Variants in SRI observed in about 807,000 individuals in gnomAD.
The protein encoded by SRI is sorcin, also known as 22 kDa protein.
Under a neutral mutation model 33.3 loss-of-function variants are expected in SRI, and 30 were observed. The observed-to-expected ratio is 0.90, with a 90% CI of 0.67 to 1.22. The LOEUF (loss-of-function observed/expected upper bound fraction) is 1.22. Ranked by LOEUF, SRI falls within the 50% of genes most tolerant of loss-of-function variation. The probability of loss-of-function intolerance (pLI) is 0.00; values close to 1 mark genes in which losing one functional copy is unlikely to be tolerated. For synonymous variants in SRI, 75 were observed against 89.9 expected (o/e 0.83, Z 0.94); for missense variants, 243 against 250.8 (o/e 0.97, Z 0.21).
At chr7:88,213,066 C>T (rs1281465263) in intron 3 of SRI, among the ~76,000 whole-genome samples, 2 of 152,130 alleles carry the variant, frequency 1.3e-5, no homozygotes, top group Non-Finnish European at 2.9e-5. Context: ...CTCCTCAATT[C>T]CCTCTCCACC....
chr7:88,214,271 CG>C (rs1200656732), intron 3 of SRI, among the ~76,000 whole-genome samples: 1 of 152,234 alleles, frequency 6.6e-6, no homozygotes, highest in East Asian at 1.9e-4. Flanking sequence ...ACAGGCAAAG[CG>C]TAAGTGAATA....
At chr7:88,213,969 A>G (rs1347311561) in intron 3 of SRI, among the ~76,000 whole-genome samples, 1 of 152,192 alleles carries the variant, frequency 6.6e-6, no homozygotes, top group Admixed American at 6.5e-5. Context: ...GGGTAACAGG[A>G]ACTTTGCAGA....
At chr7:88,213,471 C>G (rs1426193588) in intron 3 of SRI, among the ~76,000 whole-genome samples, 5 of 152,218 alleles carry the variant, frequency 3.3e-5, no homozygotes, top group African/African-American at 9.6e-5. Flanking sequence ...ACCTAGGACA[C>G]AACTTCCCCA....
At chr7:88,217,071 G>T in intron 3 of SRI, 51 bp downstream of exon 3, 1 of 1,521,804 alleles carries the variant, frequency 6.6e-7, no homozygotes, top group Non-Finnish European at 9.1e-7. Flanking sequence ...TAACAGCTAA[G>T]ATAGGAAACA....
intron 1 of SRI, chr7:88,219,180 T>A: frequency 5.7e-6 from 3 of 526,998 alleles, no homozygotes; most frequent in Admixed American, 3.2e-5. Flanking sequence ...TGTCTACATA[T>A]GTAAAGCAAC....
intron 1 of SRI, 51 bp from the exon 2 acceptor site, chr7:88,218,993 C>T (rs1038770665): frequency 6.5e-7 from 1 of 1,541,102 alleles, no homozygotes; most frequent in Admixed American, 1.7e-5. Context: ...AAGTTTTCTT[C>T]TTTCACCACT....
chr7:88,220,196 T>G, upstream of SRI: 1 of 1,314,002 alleles, frequency 7.6e-7, no homozygotes, highest in South Asian at 2.1e-5. Flanking sequence ...GTGGCTCCCC[T>G]GCCTGCGCGC....
At chr7:88,217,975 T>G (rs1426664566) in intron 2 of SRI, among the ~76,000 whole-genome samples, 1 of 152,242 alleles carries the variant, frequency 6.6e-6, no homozygotes, top group Non-Finnish European at 1.5e-5. Context: ...TCCATTCAAT[T>G]TCTTAAGCTG....
At chr7:88,215,883 G>A (rs1851697915) in intron 3 of SRI, among the ~76,000 whole-genome samples, 1 of 152,222 alleles carries the variant, frequency 6.6e-6, no homozygotes. Context: ...TTTGAACTAA[G>A]ACATTATTCT....
intron 7 of SRI, 54 bp downstream of exon 7, chr7:88,208,453 C>T: frequency 6.2e-7 from 1 of 1,605,658 alleles, no homozygotes; most frequent in Admixed American, 1.7e-5. Context: ...AAAGGGATAC[C>T]CATCTGGTGT....
upstream of SRI, among the ~76,000 whole-genome samples, chr7:88,223,699 T>A (rs933580554): frequency 1.5e-4 from 23 of 152,178 alleles, no homozygotes; most frequent in African/African-American, 5.3e-4. Flanking sequence ...CATTTAAAAA[T>A]GTAAATATTA....
chr7:88,206,404 C>CA lies in SRI; in HGVS notation c.*73_*74insT. 1 of 1,555,464 alleles carries CA rather than the reference C, an allele frequency of 6.4e-7. No homozygotes were observed. The highest frequency in any genetic ancestry group is 1.1e-5 in the South Asian group (1 of 89,858). On this transcript the variant is annotated 3_prime_UTR_variant, in exon 8 of 8. Transcript: ENST00000265729. ...TCGTGATGTAAGTTTATACATATTACCGAAGGCAAAGAGGACAAGCAAAGG... is the reference window on the plus strand; with the variant it reads ...TCGTGATGTAAGTTTATACATATTACACGAAGGCAAAGAGGACAAGCAAAGG...
chr7:88,206,562 A>T, intron 7 of SRI, 58 bp from the exon 8 acceptor site: 1 of 1,599,650 alleles, frequency 6.3e-7, no homozygotes, highest in Non-Finnish European at 8.6e-7. Context: ...GGCACAGCCT[A>T]TTTCTGGCAG....
At position 88,210,125 on chromosome 7, in the gene SRI, A is replaced by C. The variant is rs747656061; in HGVS notation, c.255T>G (p.Asp85Glu). Reference protein sequence around the residue: ...CRLMVSMLDRDMSGTMGFNEF... With the variant: ...CRLMVSMLDREMSGTMGFNEF... ...CATTGAAACCCATTGTGCCAGACAT[A>C]TCTCTCTGAACTGTAATCAAGGATT... Residue 85 changes from aspartate to glutamate, a missense_variant, in exon 5 of 8, where the codon GAT becomes GAG. By Grantham distance (45) the Asp-to-Glu change is conservative (BLOSUM62 2). Coordinates refer to ENST00000265729, the MANE Select transcript of SRI (RefSeq NM_003130.4). 27 of 1,613,994 alleles carry C rather than the reference A, an allele frequency of 1.7e-5. No individual in the cohort carries two copies. In the Admixed American group the frequency reaches 2.5e-4, roughly 15 times the overall value.
Position 88,206,152 on chromosome 7 carries a change from G to C in SRI, c.*326C>G, listed in dbSNP as rs1295362441. 2.8e-6 allele frequency: 1 copy of C among 358,088 alleles called. No homozygotes were observed. The highest frequency in any genetic ancestry group is 5.8e-5 in the East Asian group (1 of 17,248). 22.2% of individuals were successfully genotyped at this position (358,088 alleles called of 1,614,324 possible). A position where few individuals can be genotyped will look rare whatever the true frequency, so the allele number is the denominator to read the frequency against. ...GCTGTAGTCTGATTAACAGTTTTTA[G>C]TGTCTCACAATGAAAAATAAATAAT... On this transcript the variant is annotated 3_prime_UTR_variant, in exon 8 of 8. Transcript: ENST00000265729.
upstream of SRI, among the ~76,000 whole-genome samples, chr7:88,220,602 T>A (rs1851868353): frequency 6.6e-6 from 1 of 152,196 alleles, no homozygotes. Context: ...TTTGGCTTGC[T>A]GTTGGTTGCA....
At chr7:88,214,058 T>C (rs932014018) in intron 3 of SRI, among the ~76,000 whole-genome samples, 7 of 152,120 alleles carry the variant, frequency 4.6e-5, no homozygotes, top group African/African-American at 1.4e-4. Flanking sequence ...ACCCTAATCA[T>C]GGTAGAGTGC....
chr7:88,209,444 A>G lies in SRI; in HGVS notation c.406T>C (p.Leu136=), dbSNP rs745542159. ...ATTGAATTCACAGCCTGGGGACTCAACCTAAATCCTAAAAGAAAAGCCATC... is the reference window on the plus strand; with the variant it reads ...ATTGAATTCACAGCCTGGGGACTCAGCCTAAATCCTAAAAGAAAAGCCATC... ...QKALTTMGFR[L]SPQAVNSIAK... is the part of the protein sequence containing the mutation. The change falls in exon 6 of 8, where the codon TTG becomes CTG. Residue 136 remains leucine, a synonymous_variant. Transcript: ENST00000265729. 49 of 1,613,636 alleles carry G rather than the reference A, an allele frequency of 3.0e-5. No homozygotes were observed. In the Admixed American group the frequency reaches 4.8e-4, roughly 16 times the overall value.
rs760442838 is a variant in SRI at position 88,206,491 on chromosome 7, A to G, written c.584T>C (p.Val195Ala). ...NFPYDDFIQCVMSV is the reference protein window; with the variant it reads ...NFPYDDFIQCAMSV ...CTTCCTCTTGATTTAAACACTCATG[A>G]CACATTGAATGAACTGAAAGAAAAA... Residue 195 changes from valine to alanine, a missense_variant, in exon 8 of 8, where the codon GTC becomes GCC. By Grantham distance (64) the Val-to-Ala change is moderately conservative. Transcript: ENST00000265729. 2 of 1,613,914 alleles carry G rather than the reference A, an allele frequency of 1.2e-6. No homozygotes were observed. Among genetic ancestry groups the G allele is most frequent in the Non-Finnish European group, 1.7e-6 (2 of 1,179,878 alleles).
Sources: gnomAD v4.1 joint callset for allele counts (sites outside exome capture counted in the v4.1 genomes callset) on GRCh38, gnomAD v4.1.1 for gene constraint, MANE v1.5 for transcripts, NCBI Gene and HGNC (gene_info 2026-07-23, HGNC 2026-07-21) for gene names.